NKAIN2: variants seen among roughly 807,000 people sequenced by gnomAD.
NKAIN2 encodes sodium/potassium transporting ATPase interacting 2, also known as sodium/potassium-transporting ATPase subunit beta-1-interacting protein 2.
In NKAIN2, 14 loss-of-function variants were observed where a neutral mutation model predicts 32.6. That is an observed-to-expected ratio of 0.43 (90% CI 0.28 to 0.67). The LOEUF is 0.67. Ranked by LOEUF, NKAIN2 falls within the 30% of genes least tolerant of loss-of-function variation. NKAIN2 has a pLI of 0.17. For missense variants in NKAIN2, 198 were observed against 258.3 expected (o/e 0.77, Z 1.60); for synonymous variants, 80 against 87.2 (o/e 0.92, Z 0.46).
intron 1 of NKAIN2, among the ~76,000 whole-genome samples, chr6:124,170,057 G>C (rs1236968543): frequency 6.6e-6 from 1 of 152,144 alleles, no homozygotes; most frequent in African/African-American, 2.4e-5. Flanking sequence ...GAATGGGGAT[G>C]CAAACCATTT....
intron 3 of NKAIN2, among the ~76,000 whole-genome samples, chr6:124,626,001 G>A (rs1036777781): frequency 3.3e-5 from 5 of 151,234 alleles, no homozygotes; most frequent in African/African-American, 1.2e-4. Context: ...ATGCAGGTTT[G>A]TTACATATGT....
At chr6:123,924,308 A>T (rs528312891) in intron 1 of NKAIN2, among the ~76,000 whole-genome samples, 12 of 152,338 alleles carry the variant, frequency 7.9e-5, no homozygotes, top group African/African-American at 2.9e-4. Context: ...GTTCGCTGGT[A>T]TAAGCAGCCA....
chr6:123,874,444 G>C (rs1773067567), intron 1 of NKAIN2, among the ~76,000 whole-genome samples: 3 of 152,112 alleles, frequency 2.0e-5, no homozygotes, highest in African/African-American at 7.2e-5. Context: ...CCCTGACTGG[G>C]AAAAGGCATG....
intron 4 of NKAIN2, among the ~76,000 whole-genome samples, chr6:124,753,065 G>A (rs1020880588): frequency 2.6e-5 from 4 of 152,062 alleles, no homozygotes; most frequent in Non-Finnish European, 5.9e-5. Flanking sequence ...TTTACGGTAA[G>A]TCACACTTTA....
chr6:124,815,225 C>T (rs796998178), intron 5 of NKAIN2, among the ~76,000 whole-genome samples: 5,634 of 136,960 alleles, frequency 0.041, 355 homozygotes, highest in African/African-American at 0.14. Flanking sequence ...TATATATATA[C>T]ATATATATAT....
At chr6:124,371,669 G>C (rs1255413372) in intron 3 of NKAIN2, among the ~76,000 whole-genome samples, 2 of 147,954 alleles carry the variant, frequency 1.4e-5, no homozygotes, top group African/African-American at 5.0e-5. Context: ...ACTCCAGCCT[G>C]GGGGAGAGAG....
At chr6:124,279,882 A>C (rs184613482) in intron 1 of NKAIN2, among the ~76,000 whole-genome samples, 1 of 152,206 alleles carries the variant, frequency 6.6e-6, no homozygotes, top group African/African-American at 2.4e-5. Context: ...AAGATTAGTC[A>C]CTATTGATGT....
intron 5 of NKAIN2, among the ~76,000 whole-genome samples, chr6:124,815,717 A>G (rs776775815): frequency 2.0e-5 from 3 of 152,170 alleles, no homozygotes; most frequent in Non-Finnish European, 2.9e-5. Context: ...CTTTTGATCC[A>G]TCTCCTGTAA....
At chr6:124,693,740 G>A (rs932301582) in intron 4 of NKAIN2, among the ~76,000 whole-genome samples, 2 of 152,130 alleles carry the variant, frequency 1.3e-5, no homozygotes, top group Non-Finnish European at 2.9e-5. Context: ...TGGAGCACAG[G>A]GAGTGTCATA....
intron 4 of NKAIN2, among the ~76,000 whole-genome samples, chr6:124,665,872 A>G (rs1425988151): frequency 6.6e-6 from 1 of 152,104 alleles, no homozygotes; most frequent in African/African-American, 2.4e-5. Flanking sequence ...CTGTGTATCT[A>G]TACTGTGCGT....
chr6:124,709,750 T>A (rs1171668055), intron 4 of NKAIN2, among the ~76,000 whole-genome samples: 1 of 151,650 alleles, frequency 6.6e-6, no homozygotes, highest in African/African-American at 2.4e-5. Flanking sequence ...GCCAGCAGTC[T>A]ATCAATTTTA....
intron 3 of NKAIN2, among the ~76,000 whole-genome samples, chr6:124,431,616 C>T (rs2114566040): frequency 6.6e-6 from 1 of 152,120 alleles, no homozygotes; most frequent in Admixed American, 6.5e-5. Context: ...CCAATTTTTC[C>T]TCCTTGGGAT....
intron 1 of NKAIN2, among the ~76,000 whole-genome samples, chr6:124,223,631 G>T (rs1463443361): frequency 6.6e-6 from 1 of 152,072 alleles, no homozygotes; most frequent in Non-Finnish European, 1.5e-5. Flanking sequence ...CTCCATTTTT[G>T]CCAGTTTGAA....
chr6:124,339,087 A>G (rs572914259), intron 2 of NKAIN2, among the ~76,000 whole-genome samples: 1 of 152,296 alleles, frequency 6.6e-6, no homozygotes, highest in Admixed American at 6.5e-5. Context: ...TCATGCCTGT[A>G]ATCCCAGCAT....
chr6:124,113,048 T>G, intron 1 of NKAIN2, among the ~76,000 whole-genome samples: 1 of 152,150 alleles, frequency 6.6e-6, no homozygotes, highest in Admixed American at 6.6e-5. Flanking sequence ...CTTGTTCCTT[T>G]TTTTGGAGCA....
intron 4 of NKAIN2, among the ~76,000 whole-genome samples, chr6:124,698,804 A>C (rs1562330611): frequency 6.6e-6 from 1 of 152,194 alleles, no homozygotes; most frequent in Non-Finnish European, 1.5e-5. Context: ...CGTAGGGGGA[A>C]GTTATTTAGG....
Position 124,286,682 on chromosome 6 carries a change from G to A in NKAIN2, c.192+3540G>A, listed in dbSNP as rs575665912. Among the ~76,000 whole-genome samples, 94 of 100,652 alleles carry A rather than the reference G, an allele frequency of 9.3e-4. 1 individual carries two copies. In the African/African-American group the frequency reaches 0.01, roughly 11 times the overall value. 66.0% of individuals were successfully genotyped at this position (100,652 alleles called of 152,430 possible). On this transcript the variant is annotated intron_variant, in intron 2 of 6. Transcript: ENST00000368417. ...TGTGTGTGTGTGTGTGTGCGCGCGCGTGTGTGTGTGTGTGTGTGAGATAAG... is the reference window on the plus strand; with the variant it reads ...TGTGTGTGTGTGTGTGTGCGCGCGCATGTGTGTGTGTGTGTGTGAGATAAG...
chr6:124,361,711 C>T (rs1799296366), intron 3 of NKAIN2, among the ~76,000 whole-genome samples: 2 of 152,052 alleles, frequency 1.3e-5, no homozygotes. Context: ...AACAATGTGG[C>T]TTATTTAAGC....
intron 3 of NKAIN2, among the ~76,000 whole-genome samples, chr6:124,441,285 A>G (rs1465065678): frequency 2.6e-5 from 4 of 152,080 alleles, no homozygotes; most frequent in Non-Finnish European, 4.4e-5. Context: ...AATAATCCAT[A>G]CCATGATATA....
Sources: allele counts gnomAD v4.1 joint callset (sites outside exome capture counted in the v4.1 genomes callset), GRCh38; gene constraint gnomAD v4.1.1; transcripts MANE v1.5; gene names NCBI Gene and HGNC (gene_info 2026-07-23, HGNC 2026-07-21).